PLXNB2: variants seen among roughly 807,000 people sequenced by gnomAD.
PLXNB2 encodes plexin-B2.
A neutral mutation model predicts 202.6 loss-of-function variants in PLXNB2; 85 were observed. The ratio of observed to expected loss-of-function variants is 0.42; its 90% CI spans 0.35 to 0.50. The LOEUF (loss-of-function observed/expected upper bound fraction) is 0.50. PLXNB2 is among the 20% of genes least tolerant of loss of function. PLXNB2 has a pLI of 0.02. For synonymous variants in PLXNB2, 1,239 were observed against 1,137.6 expected (o/e 1.09, Z -1.79); for missense variants, 2,063 against 2,586.2 (o/e 0.80, Z 4.39).
At position 50,284,543 on chromosome 22, in the gene PLXNB2, C is replaced by G. The variant is rs748655163; in HGVS notation, c.2181+30G>C. 1.3e-6 allele frequency: 2 copies of G among 1,557,690 alleles called. No individual in the cohort carries two copies. Among genetic ancestry groups the G allele is most frequent in the South Asian group, 2.3e-5 (2 of 88,732 alleles). On this transcript the variant is annotated intron_variant, in intron 12 of 36. Coordinates refer to ENST00000359337, the MANE Select transcript of PLXNB2 (RefSeq NM_012401.4). This position sits in a 1 kb window ranked among gnomAD's most constrained non-coding sequence, Gnocchi z 8.0. ...CCCCACCCGGGGCCCTGGGGTCCAG[C>G]AGCCGAGCCGGCCTGCCCTGGAGCC...
chr22:50,302,231 G>A (rs2067729633), intron 1 of PLXNB2, among the ~76,000 whole-genome samples: 1 of 152,318 alleles, frequency 6.6e-6, no homozygotes, highest in African/African-American at 2.4e-5. Flanking sequence ...CCAAGGGTGA[G>A]GCAGCCCAGG....
At chr22:50,296,387 C>T (rs2067272988) in intron 1 of PLXNB2, among the ~76,000 whole-genome samples, 2 of 144,930 alleles carry the variant, frequency 1.4e-5, no homozygotes, top group African/African-American at 5.7e-5. Context: ...GAGCGAGACC[C>T]TGACTCTAAG....
rs562032146 is a variant in PLXNB2 at position 50,288,225 on chromosome 22, G to C, written c.1381-188C>G. ...CATGCCTGGCCCAGGATCCCGATGG[G>C]AGCCCAGGGAAGCCTGGAGGTCTTG... On this transcript the variant is annotated intron_variant, in intron 5 of 36. Coordinates refer to ENST00000359337, the MANE Select transcript of PLXNB2 (RefSeq NM_012401.4). The surrounding 1 kb of genome is among the most constrained non-coding windows in gnomAD (Gnocchi z 5.0). 6.6e-6 allele frequency among the ~76,000 whole-genome samples: 1 copy of C among 152,246 alleles called. No individual in the cohort carries two copies. Among genetic ancestry groups the C allele is most frequent in the South Asian group, 2.1e-4 (1 of 4,826 alleles).
rs1025429961 is a variant in PLXNB2, at chr22:50,288,827, G to A, written c.1296C>T (p.Ile432=). 10 of 1,613,296 alleles carry A rather than the reference G, an allele frequency of 6.2e-6. No homozygotes were observed. The highest frequency in any genetic ancestry group is 1.3e-5 in the African/African-American group (1 of 74,914). The change falls in exon 5 of 37, where the codon ATC becomes ATT. Residue 432 remains isoleucine (I), a synonymous_variant. Coordinates refer to ENST00000359337, the MANE Select transcript of PLXNB2 (RefSeq NM_012401.4). This position sits in a 1 kb window ranked among gnomAD's most constrained non-coding sequence, Gnocchi z 5.0. The part of the protein sequence containing the change: ...PDGTSSEYDS[I]LVEINKRVKR... ...TGACTCTCTTGTTTATCTCCACAAG[G>A]ATAGAGTCGTACTCTGAGGAGGTGC...
rs946790595 is a variant in PLXNB2 at position 50,284,446 on chromosome 22, C to T, written c.2181+127G>A. 6.4e-6 allele frequency: 5 copies of T among 781,300 alleles called. No homozygotes were observed. The highest frequency in any genetic ancestry group is 5.1e-5 in the African/African-American group (3 of 58,392). The allele number at this position is 781,300 out of a possible 1,614,324, so 48.4% of individuals were successfully genotyped here. On this transcript the variant is annotated intron_variant, in intron 12 of 36. Coordinates refer to ENST00000359337, the MANE Select transcript of PLXNB2 (RefSeq NM_012401.4). The surrounding 1 kb of genome is among the most constrained non-coding windows in gnomAD (Gnocchi z 8.0). ...CCCCAGCAGCACAGGGCATGGCGAGCCCCTGGCTGGGCTCTGGTCCCTGGG... is the reference window on the plus strand; with the variant it reads ...CCCCAGCAGCACAGGGCATGGCGAGTCCCTGGCTGGGCTCTGGTCCCTGGG...
Position 50,287,106 on chromosome 22 carries a change from C to T in PLXNB2, c.1762+5G>A. 1 of 1,507,030 alleles carries T rather than the reference C, an allele frequency of 6.6e-7. No individual in the cohort carries two copies. The highest frequency in any genetic ancestry group is 8.9e-7 in the Non-Finnish European group (1 of 1,123,582). The allele number at this position is 1,507,030 out of a possible 1,614,324, so 93.4% of individuals were successfully genotyped here. A position where few individuals can be genotyped will look rare whatever the true frequency, so the allele number is the denominator to read the frequency against. On this transcript the variant is annotated splice_donor_5th_base_variant and intron_variant, in intron 8 of 36. Coordinates refer to ENST00000359337, the MANE Select transcript of PLXNB2 (RefSeq NM_012401.4). ...GCCACCCGGGGGCTCGGGAAGGGGC[C>T]TCACCCTGGCCTGGCGGTGTGACGG...
intron 2 of PLXNB2, among the ~76,000 whole-genome samples, chr22:50,292,510 G>A (rs539993473): frequency 2.0e-5 from 3 of 152,244 alleles, no homozygotes; most frequent in Admixed American, 1.3e-4. Context: ...GCCACACCGC[G>A]GGCATGGGTG....
intron 1 of PLXNB2, 59 bp from the exon 2 acceptor site, chr22:50,294,837 C>T (rs907258105): frequency 2.4e-5 from 20 of 847,710 alleles, no homozygotes; most frequent in Non-Finnish European, 2.7e-5. Context: ...GTGGAGCCCC[C>T]CACCTCTGTC....
intron 1 of PLXNB2, among the ~76,000 whole-genome samples, chr22:50,299,175 C>T (rs1481293259): frequency 6.6e-6 from 1 of 152,084 alleles, no homozygotes; most frequent in Non-Finnish European, 1.5e-5. Context: ...CGGGCCTAGG[C>T]CTGGGAGGGC....
chr22:50,288,222 T>C lies in PLXNB2; in HGVS notation c.1381-185A>G, dbSNP rs1159317421. Among the ~76,000 whole-genome samples, 1 of 152,100 alleles carries C rather than the reference T, an allele frequency of 6.6e-6. No homozygotes were observed. The highest frequency in any genetic ancestry group is 1.9e-4 in the East Asian group (1 of 5,182). ...GGCCATGCCTGGCCCAGGATCCCGA[T>C]GGGAGCCCAGGGAAGCCTGGAGGTC... is the stretch of plus-strand genomic sequence containing the variant. On this transcript the variant is annotated intron_variant, in intron 5 of 36. Transcript: ENST00000359337. This position sits in a 1 kb window ranked among gnomAD's most constrained non-coding sequence, Gnocchi z 5.0.
At chr22:50,280,160 C>G (rs991612181) in intron 25 of PLXNB2, 89 bp from the exon 26 acceptor site, 42 of 1,063,906 alleles carry the variant, frequency 3.9e-5, no homozygotes, top group Middle Eastern at 2.1e-4. Context: ...CACCCTTGCG[C>G]CAGCCTCGCC....
rs1569165768 is a variant in PLXNB2 at position 50,284,033 on chromosome 22, GC to G, written c.2264-44del. On this transcript the variant is annotated intron_variant, in intron 13 of 36. Coordinates refer to ENST00000359337, the MANE Select transcript of PLXNB2 (RefSeq NM_012401.4). This position sits in a 1 kb window ranked among gnomAD's most constrained non-coding sequence, Gnocchi z 8.0. ...GTCAGTGGTCACCCCGTGCCTGCCCGCCCCCGACCTGCTCCCCACTGCGCCC... is the reference window on the plus strand; with the variant it reads ...GTCAGTGGTCACCCCGTGCCTGCCCGCCCCGACCTGCTCCCCACTGCGCCC... 5 of 1,510,820 alleles carry G rather than the reference GC, an allele frequency of 3.3e-6. No individual in the cohort carries two copies. Among genetic ancestry groups the G allele is most frequent in the Non-Finnish European group, 8.9e-7 (1 of 1,129,538 alleles). The allele number at this position is 1,510,820 out of a possible 1,614,324, so 93.6% of individuals were successfully genotyped here. A position where few individuals can be genotyped will look rare whatever the true frequency, so the allele number is the denominator to read the frequency against.
At chr22:50,286,349 C>T in intron 8 of PLXNB2, 62 bp from the exon 9 acceptor site, 1 of 1,259,710 alleles carries the variant, frequency 7.9e-7, no homozygotes, top group Non-Finnish European at 1.2e-6. Flanking sequence ...CCAGGCTGGG[C>T]CTCCCCTGGG....
intron 16 of PLXNB2, 58 bp from the exon 17 acceptor site, chr22:50,283,244 G>A (rs959436672): frequency 7.5e-6 from 12 of 1,604,256 alleles, no homozygotes; most frequent in Middle Eastern, 3.3e-4. Flanking sequence ...CCTCGGTCCT[G>A]GGCTGGATGG....
At chr22:50,278,367 C>T (rs1015791663) in intron 30 of PLXNB2, 68 bp downstream of exon 30, 39 of 1,563,016 alleles carry the variant, frequency 2.5e-5, no homozygotes, top group Non-Finnish European at 3.3e-5. Flanking sequence ...GTGCATGTGT[C>T]CAGGGCAGAC....
At chr22:50,290,719 A>G in intron 2 of PLXNB2, 122 bp from the exon 3 acceptor site, 3 of 1,058,110 alleles carry the variant, frequency 2.8e-6, no homozygotes, top group Non-Finnish European at 4.0e-6. Flanking sequence ...CCACGAACTG[A>G]GGAACCTGGA....
intron 1 of PLXNB2, 68 bp downstream of exon 1, chr22:50,307,485 G>T: frequency 1.1e-6 from 1 of 876,910 alleles, no homozygotes; most frequent in Non-Finnish European, 1.4e-6. Context: ...GCGGAGCGGC[G>T]CTGACGGCGA....
In PLXNB2 at chr22:50,284,470, G is replaced by A. The variant is rs1363747306; in HGVS notation, c.2181+103C>T. ...GCCCCTGGCTGGGCTCTGGTCCCTG[G>A]GGTCTCCCTGCTGCCCCTCCCCTCA... On this transcript the variant is annotated intron_variant, in intron 12 of 36. Coordinates refer to ENST00000359337, the MANE Select transcript of PLXNB2 (RefSeq NM_012401.4). The surrounding 1 kb of genome is among the most constrained non-coding windows in gnomAD (Gnocchi z 8.0). The A allele has an allele frequency of 1.1e-6, 1 of 909,982 alleles. No individual in the cohort carries two copies. The highest frequency in any genetic ancestry group is 2.6e-5 in the East Asian group (1 of 38,072). The allele number at this position is 909,982 out of a possible 1,614,324, so 56.4% of individuals were successfully genotyped here.
At chr22:50,276,349 C>T (rs1346601402) in intron 35 of PLXNB2, among the ~76,000 whole-genome samples, 1 of 149,710 alleles carries the variant, frequency 6.7e-6, no homozygotes, top group Non-Finnish European at 1.5e-5. Flanking sequence ...TGGGCACGGC[C>T]GAGGGTGCAG....
Sources: gnomAD v4.1 joint callset for allele counts (sites outside exome capture counted in the v4.1 genomes callset) on GRCh38, gnomAD v4.1.1 for gene constraint, Gnocchi (gnomAD v3.1) non-coding constraint, MANE v1.5 for transcripts, NCBI Gene and HGNC (gene_info 2026-07-23, HGNC 2026-07-21) for gene names.